JAM3: variants seen among roughly 807,000 people sequenced by gnomAD.
The protein encoded by JAM3 is junctional adhesion molecule C.
A neutral mutation model predicts 39.4 loss-of-function variants in JAM3; 31 were observed. The ratio of observed to expected loss-of-function variants is 0.79; its 90% CI spans 0.59 to 1.06. The LOEUF (loss-of-function observed/expected upper bound fraction) is 1.06, where lower values mean the gene tolerates loss of function less well. JAM3 is among the 50% of genes least tolerant of loss of function. JAM3 has a pLI of 0.00. For missense variants in JAM3, 455 were observed against 391.4 expected (o/e 1.16, Z -1.37); for synonymous variants, 182 against 148.7 (o/e 1.22, Z -1.63).
intron 1 of JAM3, among the ~76,000 whole-genome samples, chr11:134,102,461 C>T (rs981843185): frequency 6.6e-6 from 1 of 152,162 alleles, no homozygotes; most frequent in Non-Finnish European, 1.5e-5. Flanking sequence ...GAGCGCTTCT[C>T]CCCCTCCAAA....
rs190101200 is a variant in JAM3, at chr11:134,149,597, C to A, written c.*416C>A. The A allele has an allele frequency of 4.3e-6, 2 of 469,220 alleles. No homozygotes were observed. The highest frequency in any genetic ancestry group is 8.5e-6 in the Non-Finnish European group (2 of 235,896). 29.1% of individuals were successfully genotyped at this position (469,220 alleles called of 1,614,324 possible). A position where few individuals can be genotyped will look rare whatever the true frequency, so the allele number is the denominator to read the frequency against. Reference sequence around the variant, plus strand: ...GAGATGGCGAGGTGGCTGGACAGCACCAGCAGCGCATCCCGGCGGGAACCC... The same window carrying A: ...GAGATGGCGAGGTGGCTGGACAGCAACAGCAGCGCATCCCGGCGGGAACCC... On this transcript the variant is annotated 3_prime_UTR_variant, in exon 9 of 9. Transcript: ENST00000299106.
In JAM3 at chr11:134,149,292, C is replaced by A; in HGVS notation, c.*111C>A. The stretch of plus-strand genomic sequence containing the variant: ...ACTCGGACAGAGCTAGACACTCATT[C>A]AGAAGCTTTTCGTTTTGGCCAAAGT... On this transcript the variant is annotated 3_prime_UTR_variant, in exon 9 of 9. Transcript: ENST00000299106. 7.4e-7 allele frequency: 1 copy of A among 1,346,180 alleles called. No homozygotes were observed. Among genetic ancestry groups the A allele is most frequent in the South Asian group, 1.2e-5 (1 of 82,902 alleles). The allele number at this position is 1,346,180 out of a possible 1,614,324, so 83.4% of individuals were successfully genotyped here. A position where few individuals can be genotyped will look rare whatever the true frequency, so the allele number is the denominator to read the frequency against.
intron 1 of JAM3, among the ~76,000 whole-genome samples, chr11:134,126,017 T>G (rs901235406): frequency 3.3e-5 from 5 of 152,182 alleles, no homozygotes; most frequent in Non-Finnish European, 5.9e-5. Flanking sequence ...TCCTCTGTCC[T>G]TCTCTCTCTG....
chr11:134,140,780 T>G lies in JAM3; in HGVS notation c.256+10T>G, dbSNP rs1291146444. The G allele has an allele frequency of 6.2e-7, 1 of 1,610,154 alleles. No homozygotes were observed. Among genetic ancestry groups the G allele is most frequent in the Non-Finnish European group, 8.5e-7 (1 of 1,177,968 alleles). On this transcript the variant is annotated intron_variant, in intron 3 of 8. Coordinates refer to ENST00000299106, the MANE Select transcript of JAM3 (RefSeq NM_032801.5). ...GACAACAAAATTCAGGGTATGATCC[T>G]GTAGTCCTCTTGCCTGCTGACCTTT... is the stretch of plus-strand genomic sequence containing the variant.
At chr11:134,113,474 A>G (rs1368463237) in intron 1 of JAM3, among the ~76,000 whole-genome samples, 1 of 152,152 alleles carries the variant, frequency 6.6e-6, no homozygotes, top group African/African-American at 2.4e-5. Flanking sequence ...TAGTTTGCTG[A>G]GAATGATGGT....
intron 1 of JAM3, among the ~76,000 whole-genome samples, chr11:134,116,264 T>A (rs470483): frequency 0.03 from 4,539 of 152,264 alleles, 250 homozygotes; most frequent in East Asian, 0.25. Context: ...TTCATGAATA[T>A]TGGCAGTCAT....
At chr11:134,141,578 T>C (rs981114669) in intron 3 of JAM3, among the ~76,000 whole-genome samples, 7 of 151,982 alleles carry the variant, frequency 4.6e-5, no homozygotes, top group African/African-American at 1.7e-4. Context: ...GCTGCATCTA[T>C]GTTTCAGAAG....
intron 1 of JAM3, among the ~76,000 whole-genome samples, chr11:134,079,941 T>G (rs1303644531): frequency 6.6e-6 from 1 of 152,194 alleles, no homozygotes; most frequent in East Asian, 1.9e-4. Flanking sequence ...CGAGAGAGGT[T>G]GGAAAAATTT....
chr11:134,094,309 T>G (rs1941934534), intron 1 of JAM3, among the ~76,000 whole-genome samples: 1 of 138,790 alleles, frequency 7.2e-6, no homozygotes, highest in African/African-American at 2.8e-5. Flanking sequence ...CCCTCCTTAT[T>G]CATCATGTTC....
intron 1 of JAM3, among the ~76,000 whole-genome samples, chr11:134,115,836 G>C (rs1942418771): frequency 1.3e-5 from 2 of 152,140 alleles, no homozygotes; most frequent in East Asian, 3.9e-4. Context: ...GTTTGAGGCT[G>C]CAGTAAGCCA....
At chr11:134,098,747 A>G (rs1942026471) in intron 1 of JAM3, among the ~76,000 whole-genome samples, 1 of 152,130 alleles carries the variant, frequency 6.6e-6, no homozygotes, top group African/African-American at 2.4e-5. Flanking sequence ...GGGTGATTTC[A>G]GAGCTAGCTT....
intron 1 of JAM3, among the ~76,000 whole-genome samples, chr11:134,100,000 G>A (rs1942046510): frequency 6.6e-6 from 1 of 152,150 alleles, no homozygotes; most frequent in South Asian, 2.1e-4. Flanking sequence ...GTCAATGTGT[G>A]CTATTTTTTA....
intron 1 of JAM3, among the ~76,000 whole-genome samples, chr11:134,115,508 G>C (rs959743007): frequency 2.4e-4 from 37 of 152,072 alleles, no homozygotes; most frequent in African/African-American, 8.9e-4. Flanking sequence ...TATAACTTAT[G>C]ACCTTGATAT....
chr11:134,121,620 T>C (rs551036201), intron 1 of JAM3, among the ~76,000 whole-genome samples: 6 of 152,042 alleles, frequency 3.9e-5, no homozygotes, highest in Admixed American at 1.3e-4. Flanking sequence ...CTTCATTAAA[T>C]CCAAAAGAAA....
intron 1 of JAM3, among the ~76,000 whole-genome samples, chr11:134,083,669 A>C (rs1276858402): frequency 6.6e-6 from 1 of 152,168 alleles, no homozygotes; most frequent in Non-Finnish European, 1.5e-5. Flanking sequence ...ATTAAAAAAA[A>C]ACACCAAAAA....
chr11:134,082,148 C>T (rs148012995), intron 1 of JAM3, among the ~76,000 whole-genome samples: 7 of 152,350 alleles, frequency 4.6e-5, no homozygotes, highest in African/African-American at 1.4e-4. Context: ...TTTGTCTTGG[C>T]CAATTTCTCC....
chr11:134,096,547 G>A (rs1941987912), intron 1 of JAM3, among the ~76,000 whole-genome samples: 1 of 152,132 alleles, frequency 6.6e-6, no homozygotes, highest in African/African-American at 2.4e-5. Flanking sequence ...CTCAAATCCA[G>A]GGGCCAGTTG....
chr11:134,119,363 C>T (rs1247888666), intron 1 of JAM3, among the ~76,000 whole-genome samples: 1 of 152,220 alleles, frequency 6.6e-6, no homozygotes, highest in African/African-American at 2.4e-5. Flanking sequence ...TGCTCTGACT[C>T]AGCTTTTAGG....
chr11:134,090,919 C>CA (rs1941836168), intron 1 of JAM3, among the ~76,000 whole-genome samples: 1 of 152,174 alleles, frequency 6.6e-6, no homozygotes, highest in Non-Finnish European at 1.5e-5. Flanking sequence ...CAAATGAAGA[C>CA]AGACATTTAG....
Sources: allele counts gnomAD v4.1 joint callset (sites outside exome capture counted in the v4.1 genomes callset), GRCh38; gene constraint gnomAD v4.1.1; transcripts MANE v1.5; gene names NCBI Gene and HGNC (gene_info 2026-07-23, HGNC 2026-07-21).